The following FAT3 variants were observed in gnomAD, a reference collection of about 807,000 sequenced individuals.
The protein encoded by FAT3 is protocadherin Fat 3.
FAT3 carries 95 observed loss-of-function variants against 310.2 expected under a neutral mutation model. The observed-to-expected ratio is 0.31, with a 90% CI of 0.26 to 0.36. The LOEUF is 0.36. Ranked by LOEUF, FAT3 falls within the 10% of genes least tolerant of loss-of-function variation. The probability of loss-of-function intolerance (pLI) is 1.00; values close to 1 mark genes in which losing one functional copy is unlikely to be tolerated. For missense variants in FAT3, 5,408 were observed against 5,715.6 expected (o/e 0.95, Z 1.74); for synonymous variants, 2,314 against 2,192.9 (o/e 1.06, Z -1.54).
chr11:92,672,157 T>C (rs1943150933), intron 3 of FAT3, among the ~76,000 whole-genome samples: 1 of 152,094 alleles, frequency 6.6e-6, no homozygotes, highest in Non-Finnish European at 1.5e-5. Flanking sequence ...AAATAACGAA[T>C]GAATGTGATT....
intron 3 of FAT3, among the ~76,000 whole-genome samples, chr11:92,648,744 G>A (rs760558992): frequency 2.0e-5 from 3 of 152,100 alleles, no homozygotes; most frequent in Non-Finnish European, 4.4e-5. Flanking sequence ...ATAAAATTGT[G>A]TCCCAGAACC....
chr11:92,292,786 T>G (rs1946724029), intron 1 of FAT3, among the ~76,000 whole-genome samples: 1 of 152,092 alleles, frequency 6.6e-6, no homozygotes, highest in Admixed American at 6.6e-5. Context: ...CCCACTGGAC[T>G]CTGATATCAC....
chr11:92,846,807 C>T (rs1238565260), intron 19 of FAT3, among the ~76,000 whole-genome samples: 2 of 152,186 alleles, frequency 1.3e-5, no homozygotes. Context: ...TCAAGAAGAG[C>T]TTTGTGCAGA....
chr11:92,336,949 G>A (rs1948101527), intron 1 of FAT3, among the ~76,000 whole-genome samples: 1 of 152,132 alleles, frequency 6.6e-6, no homozygotes, highest in African/African-American at 2.4e-5. Context: ...TCTGGGGCTT[G>A]GACCCTCATT....
intron 3 of FAT3, among the ~76,000 whole-genome samples, chr11:92,629,152 G>A (rs999537860): frequency 3.3e-5 from 5 of 152,216 alleles, no homozygotes; most frequent in African/African-American, 9.6e-5. Context: ...CTAACTCATA[G>A]TATACACTGA....
chr11:92,331,103 CT>C (rs768778217), intron 1 of FAT3, among the ~76,000 whole-genome samples: 3 of 151,498 alleles, frequency 2.0e-5, no homozygotes, highest in Non-Finnish European at 2.9e-5. Context: ...TAATGAAATA[CT>C]TTATCATGTC....
At chr11:92,874,728 G>A (rs908392547) in intron 22 of FAT3, among the ~76,000 whole-genome samples, 19 of 152,186 alleles carry the variant, frequency 1.2e-4, no homozygotes, top group Non-Finnish European at 1.9e-4. Context: ...TAGTAGAGAC[G>A]GGGTTTCACC....
chr11:92,661,358 C>A (rs1942773577), intron 3 of FAT3, among the ~76,000 whole-genome samples: 1 of 152,162 alleles, frequency 6.6e-6, no homozygotes, highest in Admixed American at 6.5e-5. Flanking sequence ...TCTTTTGAAC[C>A]CTGGCAGTCA....
chr11:92,360,534 C>T (rs576585426), intron 2 of FAT3, among the ~76,000 whole-genome samples: 14 of 152,268 alleles, frequency 9.2e-5, no homozygotes, highest in Non-Finnish European at 1.9e-4. Flanking sequence ...GGTTTTACAC[C>T]ATTTTAGAAA....
chr11:92,506,216 A>G (rs1270873975), intron 2 of FAT3, among the ~76,000 whole-genome samples: 1 of 152,160 alleles, frequency 6.6e-6, no homozygotes, highest in Non-Finnish European at 1.5e-5. Flanking sequence ...GCAACCTCAC[A>G]TAGGTAACTG....
chr11:92,563,610 T>C (rs1440991244), intron 3 of FAT3, among the ~76,000 whole-genome samples: 2 of 152,132 alleles, frequency 1.3e-5, no homozygotes, highest in Non-Finnish European at 2.9e-5. Flanking sequence ...ACTGAATTTC[T>C]CTCGACTTAT....
At chr11:92,804,093 G>C (rs1296953074) in intron 10 of FAT3, among the ~76,000 whole-genome samples, 1 of 152,186 alleles carries the variant, frequency 6.6e-6, no homozygotes, top group Admixed American at 6.5e-5. Flanking sequence ...GTAGCAGTTG[G>C]CATGCAGTAT....
At chr11:92,563,888 A>C (rs750546466) in intron 3 of FAT3, among the ~76,000 whole-genome samples, 1 of 152,190 alleles carries the variant, frequency 6.6e-6, no homozygotes, top group African/African-American at 2.4e-5. Context: ...TAAAGGAAGC[A>C]CTAAACATGG....
chr11:92,417,630 A>T (rs1251063923), intron 2 of FAT3, among the ~76,000 whole-genome samples: 1 of 152,206 alleles, frequency 6.6e-6, no homozygotes, highest in Non-Finnish European at 1.5e-5. Context: ...TCAGAACTCA[A>T]TAGAAAGGGA....
Position 92,805,324 on chromosome 11 carries a change from A to G in FAT3, c.9068A>G (p.Asn3023Ser), listed in dbSNP as rs1565612539. Residue 3023 changes from asparagine (N) to serine (S), a missense_variant, in exon 11 of 28, where the codon AAT becomes AGT. Physicochemically the swap from Asn to Ser is conservative, Grantham distance 46. Coordinates refer to ENST00000525166, the MANE Select transcript of FAT3 (RefSeq NM_001367949.2). Reference sequence around the variant, plus strand: ...GTGGAAGTGAGCGTCAGTGATGTGAATGACAATAGCCCAGTGTGTGATCAG... The same window carrying G: ...GTGGAAGTGAGCGTCAGTGATGTGAGTGACAATAGCCCAGTGTGTGATCAG... ...AMVEVSVSDV[N>S]DNSPVCDQVA... The G allele has an allele frequency of 1.2e-6, 2 of 1,613,696 alleles. No individual in the cohort carries two copies. Among genetic ancestry groups the G allele is most frequent in the Non-Finnish European group, 1.7e-6 (2 of 1,179,752 alleles).
chr11:92,858,609 C>G (rs769849742), intron 20 of FAT3, among the ~76,000 whole-genome samples: 1 of 152,084 alleles, frequency 6.6e-6, no homozygotes, highest in African/African-American at 2.4e-5. Flanking sequence ...AGGGGAGCCT[C>G]GAAATTAATG....
intron 3 of FAT3, among the ~76,000 whole-genome samples, chr11:92,528,418 G>A (rs1158565591): frequency 3.3e-5 from 5 of 152,096 alleles, no homozygotes; most frequent in African/African-American, 1.2e-4. Flanking sequence ...CTTCCAGTTC[G>A]CTCAGTCGCC....
chr11:92,774,227 A>G, intron 7 of FAT3, 47 bp downstream of exon 7: 1 of 1,553,514 alleles, frequency 6.4e-7, no homozygotes, highest in South Asian at 1.2e-5. Context: ...AAGAGCTGCC[A>G]AAGTCAGGGG....
intron 8 of FAT3, among the ~76,000 whole-genome samples, chr11:92,791,368 G>A (rs1057054740): frequency 3.9e-5 from 6 of 152,170 alleles, no homozygotes; most frequent in African/African-American, 1.4e-4. Flanking sequence ...CTTGGTCCTT[G>A]GGTATGGCAG....
Sources: allele counts gnomAD v4.1 joint callset (sites outside exome capture counted in the v4.1 genomes callset), GRCh38; gene constraint gnomAD v4.1.1; transcripts MANE v1.5; gene names NCBI Gene and HGNC (gene_info 2026-07-23, HGNC 2026-07-21).